The following CORO2B variants were observed in gnomAD, a reference collection of about 807,000 sequenced individuals.
CORO2B encodes coronin 2B, also known as coronin-2B.
CORO2B carries 26 observed loss-of-function variants against 58.8 expected under a neutral mutation model. The observed-to-expected ratio is 0.44, with a 90% CI of 0.32 to 0.61. The LOEUF is 0.61. Ranked by LOEUF, CORO2B falls within the 20% of genes least tolerant of loss-of-function variation. The pLI is 0.04. For synonymous variants in CORO2B, 242 were observed against 253.8 expected (o/e 0.95, Z 0.44); for missense variants, 460 against 645.1 (o/e 0.71, Z 3.11).
At chr15:68,697,592 CAG>C (rs1050513013) in intron 3 of CORO2B, among the ~76,000 whole-genome samples, 4 of 152,076 alleles carry the variant, frequency 2.6e-5, no homozygotes, top group Admixed American at 6.5e-5. Flanking sequence ...AGAGTGGCAG[CAG>C]TGAAGGCAGT....
Position 68,714,608 on chromosome 15 carries a change from GCCT to G in CORO2B, c.819_821del (p.Leu274del), listed in dbSNP as rs749627917. 1 of 1,614,094 alleles carries G rather than the reference GCCT, an allele frequency of 6.2e-7. No homozygotes were observed. ...GAAGAGGAAATTGATGGGCTCTCTG[GCCT>G]CCTGTTCCCCTTCTATGATGCTGAC... is the stretch of plus-strand genomic sequence containing the variant. On this transcript the variant is annotated inframe_deletion, in exon 7 of 12. Coordinates refer to ENST00000261861, the MANE Select transcript of CORO2B (RefSeq NM_006091.5).
intron 3 of CORO2B, among the ~76,000 whole-genome samples, chr15:68,698,211 A>T (rs1428486829): frequency 1.3e-5 from 2 of 152,226 alleles, no homozygotes; most frequent in Non-Finnish European, 2.9e-5. Context: ...ATGCTCTGCC[A>T]AGCTTCCTCA....
chr15:68,611,424 T>A (rs1900244660), intron 1 of CORO2B, among the ~76,000 whole-genome samples: 1 of 152,222 alleles, frequency 6.6e-6, no homozygotes, highest in Non-Finnish European at 1.5e-5. Flanking sequence ...TGACTGTATA[T>A]GACAATTTCC....
intron 1 of CORO2B, among the ~76,000 whole-genome samples, chr15:68,591,602 C>T (rs1026728802): frequency 6.6e-5 from 10 of 152,212 alleles, no homozygotes; most frequent in Non-Finnish European, 1.5e-4. Context: ...AGTGGACATT[C>T]TCAAAGCCTA....
chr15:68,655,507 C>A (rs1268280274), intron 2 of CORO2B, among the ~76,000 whole-genome samples: 2 of 152,106 alleles, frequency 1.3e-5, no homozygotes, highest in Non-Finnish European at 2.9e-5. Context: ...AGTCCTGATC[C>A]CAAAAAGGAG....
intron 2 of CORO2B, among the ~76,000 whole-genome samples, chr15:68,658,682 G>A (rs1487897082): frequency 6.6e-6 from 1 of 152,224 alleles, no homozygotes; most frequent in East Asian, 1.9e-4. Flanking sequence ...TCTTTGTCCA[G>A]TAGACATCAT....
chr15:68,645,267 C>CTTCTGTGCACATT lies in CORO2B; in HGVS notation c.123_124insTTCTGTGCACATT (p.Asp42PhefsTer5). Reference sequence around the variant, plus strand: ...GGATCCCCATCACCAAGAATGTGCACGACAACCACTTCTGTGCCGTCAACA... The same window carrying CTTCTGTGCACATT: ...GGATCCCCATCACCAAGAATGTGCACTTCTGTGCACATTGACAACCACTTCTGTGCCGTCAACA... On this transcript the variant is annotated frameshift_variant, in exon 2 of 12. Transcript: ENST00000261861. LOFTEE classifies it high-confidence loss of function. The surrounding 1 kb of genome is among the most constrained non-coding windows in gnomAD (Gnocchi z 4.5). 6.2e-7 allele frequency: 1 copy of CTTCTGTGCACATT among 1,614,208 alleles called. No homozygotes were observed. Among genetic ancestry groups the CTTCTGTGCACATT allele is most frequent in the Non-Finnish European group, 8.5e-7 (1 of 1,180,042 alleles).
intron 1 of CORO2B, among the ~76,000 whole-genome samples, chr15:68,587,437 A>G (rs570479660): frequency 1.2e-4 from 18 of 152,280 alleles, no homozygotes; most frequent in African/African-American, 3.8e-4. Flanking sequence ...ATCAGTATTT[A>G]ACTCCGGAGA....
chr15:68,554,734 C>T, the CORO2B span, among the ~76,000 whole-genome samples: 1,128 of 152,264 alleles, frequency 7.4e-3, 17 homozygotes, highest in African/African-American at 0.026. Context: ...AGTCTCAGAG[C>T]GGCTAAGTGA....
At chr15:68,604,898 G>A (rs1024285836) in intron 1 of CORO2B, among the ~76,000 whole-genome samples, 1 of 152,058 alleles carries the variant, frequency 6.6e-6, no homozygotes, top group African/African-American at 2.4e-5. Flanking sequence ...GGCTGATCAC[G>A]AGGTCAGGAG....
chr15:68,686,007 A>C (rs56094696), intron 2 of CORO2B, among the ~76,000 whole-genome samples: 28,204 of 135,434 alleles, frequency 0.21, 3,216 homozygotes, highest in Middle Eastern at 0.28. Flanking sequence ...AGAAATGTTG[A>C]GCTCCTACTT....
the CORO2B span, among the ~76,000 whole-genome samples, chr15:68,539,969 T>C: frequency 1.3e-5 from 2 of 152,144 alleles, no homozygotes; most frequent in African/African-American, 4.8e-5. Flanking sequence ...AAGCGTGCAG[T>C]TGAAAAAGGG....
At chr15:68,620,312 G>A (rs761214416) in intron 1 of CORO2B, among the ~76,000 whole-genome samples, 4 of 152,198 alleles carry the variant, frequency 2.6e-5, no homozygotes, top group Non-Finnish European at 5.9e-5. Flanking sequence ...TGTTTGTACA[G>A]ATATTTAAAT....
In CORO2B at chr15:68,702,821, C is replaced by CTTT. The variant is rs113249272; in HGVS notation, c.333+7586_333+7588dup. 5.5e-3 allele frequency among the ~76,000 whole-genome samples: 533 copies of CTTT among 96,204 alleles called. 5 individuals carry two copies. Among genetic ancestry groups the CTTT allele is most frequent in the African/African-American group, 8.4e-3 (186 of 22,122 alleles). 63.1% of individuals were successfully genotyped at this position (96,204 alleles called of 152,430 possible). On this transcript the variant is annotated intron_variant, in intron 3 of 11. Coordinates refer to ENST00000261861, the MANE Select transcript of CORO2B (RefSeq NM_006091.5). ...ACCATATCTTTTTCTTTTTCTTTTTCTTTTTTTTTTTTTTTTTTTTTTTGA... is the reference window on the plus strand; with the variant it reads ...ACCATATCTTTTTCTTTTTCTTTTTCTTTTTTTTTTTTTTTTTTTTTTTTTTGA...
intron 3 of CORO2B, among the ~76,000 whole-genome samples, chr15:68,706,537 G>A (rs559199230): frequency 2.6e-5 from 4 of 152,254 alleles, no homozygotes; most frequent in African/African-American, 9.6e-5. Context: ...GATGGCCAGG[G>A]GCAACTATTC....
At chr15:68,706,984 A>G (rs142205259) in intron 3 of CORO2B, among the ~76,000 whole-genome samples, 4,202 of 152,198 alleles carry the variant, frequency 0.028, 198 homozygotes, top group African/African-American at 0.097. Context: ...TTTTTGAGAC[A>G]GAGACTCACT....
the CORO2B span, among the ~76,000 whole-genome samples, chr15:68,564,984 A>C: frequency 6.6e-6 from 1 of 152,220 alleles, no homozygotes; most frequent in African/African-American, 2.4e-5. Flanking sequence ...GAATTTTCAG[A>C]ATCTCTATAA....
At chr15:68,696,735 C>T (rs1234909413) in intron 3 of CORO2B, among the ~76,000 whole-genome samples, 2 of 152,142 alleles carry the variant, frequency 1.3e-5, no homozygotes, top group South Asian at 2.1e-4. Context: ...AGCATCAGTA[C>T]ACCAGCTTGG....
chr15:68,579,744 G>A (rs963037669), intron 1 of CORO2B, among the ~76,000 whole-genome samples: 3 of 152,202 alleles, frequency 2.0e-5, no homozygotes, highest in East Asian at 1.9e-4. Context: ...CGCCCATGCC[G>A]GGAGCGCTGG....
Sources: gnomAD v4.1 joint callset for allele counts (sites outside exome capture counted in the v4.1 genomes callset) on GRCh38, gnomAD v4.1.1 for gene constraint, Gnocchi (gnomAD v3.1) non-coding constraint, MANE v1.5 for transcripts, NCBI Gene and HGNC (gene_info 2026-07-23, HGNC 2026-07-21) for gene names.